The following CLXN variants were observed in gnomAD, a reference collection of about 807,000 sequenced individuals.
CLXN encodes calaxin, also known as EF-hand calcium binding domain 1.
the CLXN span, chr8:48,731,350 C>T: frequency 6.2e-7 from 1 of 1,606,082 alleles, no homozygotes; most frequent in East Asian, 2.2e-5. Flanking sequence ...TCTCTTACCT[C>T]TGTCCATAAT....
the CLXN span, among the ~76,000 whole-genome samples, chr8:48,721,980 TAATC>T: frequency 6.6e-5 from 10 of 151,912 alleles, no homozygotes; most frequent in African/African-American, 2.2e-4. Flanking sequence ...GAAAAGGAAA[TAATC>T]AACAGTGAAA....
At chr8:48,725,944 A>C in the CLXN span, among the ~76,000 whole-genome samples, 16,936 of 151,830 alleles carry the variant, frequency 0.11, 2,965 homozygotes, top group African/African-American at 0.37. Context: ...GGAGATGGAG[A>C]GATCCAGAGC....
At chr8:48,729,229 A>C in the CLXN span, 1 of 1,166,294 alleles carries the variant, frequency 8.6e-7, no homozygotes, top group Non-Finnish European at 1.2e-6. Context: ...GTGTTAATTT[A>C]AAAAAATGTG....
the CLXN span, among the ~76,000 whole-genome samples, chr8:48,729,514 C>A: frequency 6.7e-6 from 1 of 150,374 alleles, no homozygotes; most frequent in Admixed American, 6.6e-5. Context: ...CAGAGCGAGA[C>A]CCTGTCTCAA....
At chr8:48,721,238 A>G in the CLXN span, among the ~76,000 whole-genome samples, 1 of 152,198 alleles carries the variant, frequency 6.6e-6, no homozygotes, top group South Asian at 2.1e-4. Context: ...AAATAGTAAT[A>G]AACTTAAGCA....
chr8:48,713,005 A>G, the CLXN span, among the ~76,000 whole-genome samples: 1 of 151,854 alleles, frequency 6.6e-6, no homozygotes, highest in Admixed American at 6.6e-5. Flanking sequence ...AAAAAAAAAA[A>G]AAAAGAAAGA....
chr8:48,725,665 G>A, the CLXN span, among the ~76,000 whole-genome samples: 52 of 152,114 alleles, frequency 3.4e-4, no homozygotes, highest in East Asian at 7.2e-3. Context: ...TTATCCGGGC[G>A]TGGTGGCGCA....
chr8:48,720,770 C>A, the CLXN span, among the ~76,000 whole-genome samples: 1 of 152,136 alleles, frequency 6.6e-6, no homozygotes, highest in African/African-American at 2.4e-5. Flanking sequence ...AGCCCCTCCC[C>A]TTTTGAAACC....
the CLXN span, among the ~76,000 whole-genome samples, chr8:48,716,946 C>A: frequency 1.3e-5 from 2 of 152,018 alleles, no homozygotes; most frequent in Non-Finnish European, 2.9e-5. Context: ...AATGAACACC[C>A]AGATTAAAGA....
chr8:48,729,824 C>T, the CLXN span: 3 of 1,613,154 alleles, frequency 1.9e-6, no homozygotes, highest in Admixed American at 1.7e-5. Context: ...AACATTTCCT[C>T]CTTTGAAATG....
At chr8:48,732,148 T>A in the CLXN span, among the ~76,000 whole-genome samples, 1 of 152,186 alleles carries the variant, frequency 6.6e-6, no homozygotes, top group Non-Finnish European at 1.5e-5. Context: ...CTCATACACA[T>A]TATTGTATAA....
At chr8:48,720,498 C>T in the CLXN span, among the ~76,000 whole-genome samples, 1 of 152,176 alleles carries the variant, frequency 6.6e-6, no homozygotes, top group Non-Finnish European at 1.5e-5. Context: ...CAGTACTCCT[C>T]AGGCTTACTA....
chr8:48,726,484 TCATCCATCCATCCATCCATCCATC>T, the CLXN span, among the ~76,000 whole-genome samples: 2 of 105,220 alleles, frequency 1.9e-5, no homozygotes, highest in African/African-American at 7.8e-5. Flanking sequence ...ATCCATCCAT[TCATCCATCCATCCATCCATCCATC>T]CATCCATCCA....
At chr8:48,725,806 A>AAAATAAAT in the CLXN span, among the ~76,000 whole-genome samples, 3,055 of 149,558 alleles carry the variant, frequency 0.02, 53 homozygotes, top group African/African-American at 0.043. Flanking sequence ...CTCCGTCTCA[A>AAAATAAAT]AAATAAATAA....
the CLXN span, among the ~76,000 whole-genome samples, chr8:48,732,599 T>C: frequency 1.3e-5 from 2 of 152,186 alleles, no homozygotes; most frequent in Non-Finnish European, 2.9e-5. Context: ...ACACAATTAT[T>C]GCGTGATCCA....
At chr8:48,724,778 T>C in the CLXN span, 1 of 1,612,246 alleles carries the variant, frequency 6.2e-7, no homozygotes, top group Non-Finnish European at 8.5e-7. Context: ...CTTTGAATAC[T>C]TGAGCTTCAA....
the CLXN span, among the ~76,000 whole-genome samples, chr8:48,730,963 TTAA>T: frequency 6.6e-6 from 1 of 151,556 alleles, no homozygotes; most frequent in Non-Finnish European, 1.5e-5. Context: ...AATAAAATAC[TTAA>T]TAGTTTTGTT....
At chr8:48,726,734 AC>A in the CLXN span, among the ~76,000 whole-genome samples, 1 of 116,928 alleles carries the variant, frequency 8.6e-6, no homozygotes, top group Non-Finnish European at 1.8e-5. Flanking sequence ...CCATCCATCT[AC>A]TCACCTCACC....
the CLXN span, chr8:48,716,022 G>C: frequency 1.2e-4 from 18 of 152,404 alleles, no homozygotes; most frequent in African/African-American, 3.9e-4. Flanking sequence ...TGTGGAGCAG[G>C]GGGCAGGCCT....
Sources: gnomAD v4.1 joint callset for allele counts (sites outside exome capture counted in the v4.1 genomes callset) on GRCh38, gnomAD v4.1.1 for gene constraint, MANE v1.5 for transcripts, NCBI Gene and HGNC (gene_info 2026-07-23, HGNC 2026-07-21) for gene names.